The following ANKS1B variants were observed in gnomAD, a reference collection of about 807,000 sequenced individuals.
ANKS1B encodes ankyrin repeat and sterile alpha motif domain-containing protein 1B.
In ANKS1B, 36 loss-of-function variants were observed where a neutral mutation model predicts 148.3. The ratio of observed to expected loss-of-function variants is 0.24; its 90% CI spans 0.19 to 0.32. The LOEUF is 0.32. ANKS1B is among the 10% of genes least tolerant of loss of function. The pLI is 1.00. For missense variants in ANKS1B, 1,157 were observed against 1,542.6 expected (o/e 0.75, Z 4.19); for synonymous variants, 542 against 560.8 (o/e 0.97, Z 0.47).
Position 99,399,670 on chromosome 12 carries a change from C to T in ANKS1B, c.1717G>A (p.Gly573Arg). ...CCCTCATTCTTGACTTCTGTGGTTCCCACAGAAGAGGTGGGTGGACTAGCA... is the reference window on the plus strand; with the variant it reads ...CCCTCATTCTTGACTTCTGTGGTTCTCACAGAAGAGGTGGGTGGACTAGCA... ...PPASPPTSSVGTTEVKNEGTN... is the reference protein window; with the variant it reads ...PPASPPTSSVRTTEVKNEGTN... Residue 573 changes from glycine to arginine, a missense_variant, in exon 12 of 27, where the codon GGA (glycine) becomes AGA (arginine). Coordinates refer to ENST00000683438, the MANE Select transcript of ANKS1B (RefSeq NM_001352186.2). 1 of 1,613,374 alleles carries T rather than the reference C, an allele frequency of 6.2e-7. No individual in the cohort carries two copies. The highest frequency in any genetic ancestry group is 2.2e-5 in the East Asian group (1 of 44,868).
At chr12:99,144,128 G>T (rs2072079131) in intron 15 of ANKS1B, among the ~76,000 whole-genome samples, 1 of 151,970 alleles carries the variant, frequency 6.6e-6, no homozygotes, top group South Asian at 2.1e-4. Context: ...TATTAAATTG[G>T]CTATATTTTT....
At chr12:99,361,441 T>C (rs1367520031) in intron 12 of ANKS1B, among the ~76,000 whole-genome samples, 2 of 152,102 alleles carry the variant, frequency 1.3e-5, no homozygotes, top group Non-Finnish European at 2.9e-5. Context: ...TGTTCCTTCC[T>C]TGATGCCTGG....
intron 26 of ANKS1B, among the ~76,000 whole-genome samples, chr12:98,747,976 A>C (rs971793163): frequency 1.4e-4 from 22 of 152,180 alleles, no homozygotes; most frequent in African/African-American, 4.8e-4. Context: ...GGATGAAGAG[A>C]GATTGGTTAA....
At chr12:99,669,454 T>C (rs80333267) in intron 8 of ANKS1B, among the ~76,000 whole-genome samples, 5,292 of 152,078 alleles carry the variant, frequency 0.035, 339 homozygotes, top group African/African-American at 0.12. Flanking sequence ...TTTAGGTGGG[T>C]CTACAGTAAC....
chr12:98,932,492 G>A (rs544410531), intron 17 of ANKS1B, among the ~76,000 whole-genome samples: 1 of 152,264 alleles, frequency 6.6e-6, no homozygotes, highest in African/African-American at 2.4e-5. Context: ...AAGACCAAAA[G>A]CTTATCTGTG....
chr12:98,904,302 T>C (rs1294075747), intron 17 of ANKS1B, among the ~76,000 whole-genome samples: 1 of 151,720 alleles, frequency 6.6e-6, no homozygotes, highest in Non-Finnish European at 1.5e-5. Flanking sequence ...CTCCAGAAAA[T>C]AGACAGGTGT....
chr12:99,044,814 C>T (rs2099961265), intron 17 of ANKS1B, among the ~76,000 whole-genome samples: 1 of 152,082 alleles, frequency 6.6e-6, no homozygotes, highest in Admixed American at 6.6e-5. Context: ...TCACAGGAAA[C>T]CCATGAAGCC....
intron 8 of ANKS1B, among the ~76,000 whole-genome samples, chr12:99,665,925 A>G (rs1380878284): frequency 6.6e-6 from 1 of 152,162 alleles, no homozygotes; most frequent in Non-Finnish European, 1.5e-5. Flanking sequence ...ATTTTCTTCC[A>G]TAAGTTTAAG....
intron 12 of ANKS1B, among the ~76,000 whole-genome samples, chr12:99,332,426 C>T (rs905400832): frequency 2.0e-5 from 3 of 152,022 alleles, no homozygotes; most frequent in African/African-American, 7.2e-5. Flanking sequence ...TGGCACTTTG[C>T]TACCAGTTAT....
intron 12 of ANKS1B, among the ~76,000 whole-genome samples, chr12:99,317,741 C>T (rs569910733): frequency 2.0e-5 from 3 of 152,146 alleles, no homozygotes; most frequent in Non-Finnish European, 2.9e-5. Context: ...CTGTCTTGTG[C>T]CAGTTTTCAA....
At chr12:99,761,767 A>G (rs1379703882) in intron 8 of ANKS1B, among the ~76,000 whole-genome samples, 1 of 152,062 alleles carries the variant, frequency 6.6e-6, no homozygotes, top group Non-Finnish European at 1.5e-5. Context: ...ATCTGTCTTC[A>G]CTAATGATAC....
intron 8 of ANKS1B, among the ~76,000 whole-genome samples, chr12:99,733,604 A>T (rs1193166592): frequency 6.6e-6 from 1 of 152,226 alleles, no homozygotes; most frequent in Non-Finnish European, 1.5e-5. Flanking sequence ...TTTCTAAAAT[A>T]CATGATGAAA....
At chr12:98,800,969 C>A (rs933709075) in intron 21 of ANKS1B, 28 bp downstream of exon 21, 1 of 1,605,364 alleles carries the variant, frequency 6.2e-7, no homozygotes, top group Non-Finnish European at 8.5e-7. Context: ...TCCACTTAGG[C>A]CCAAATACTG....
intron 8 of ANKS1B, among the ~76,000 whole-genome samples, chr12:99,657,014 T>C (rs969880441): frequency 1.3e-5 from 2 of 152,180 alleles, no homozygotes; most frequent in African/African-American, 4.8e-5. Flanking sequence ...CACTTGTCAG[T>C]AACTAAGAAG....
At chr12:99,543,499 A>G (rs978047127) in intron 9 of ANKS1B, among the ~76,000 whole-genome samples, 3 of 152,274 alleles carry the variant, frequency 2.0e-5, no homozygotes, top group East Asian at 1.9e-4. Context: ...TTGAAAACAA[A>G]TGTTCATACA....
At chr12:98,841,815 AC>A (rs1429545576) in intron 17 of ANKS1B, among the ~76,000 whole-genome samples, 6 of 150,078 alleles carry the variant, frequency 4.0e-5, no homozygotes, top group African/African-American at 1.5e-4. Context: ...CTTTGTCCCC[AC>A]CCCCACCACT....
intron 17 of ANKS1B, among the ~76,000 whole-genome samples, chr12:98,871,063 T>C (rs144446345): frequency 6.8e-4 from 104 of 152,330 alleles, no homozygotes; most frequent in African/African-American, 2.5e-3. Flanking sequence ...TTTTCTAAAT[T>C]TGCCTCAAAG....
At chr12:99,945,314 C>T in intron 1 of ANKS1B, among the ~76,000 whole-genome samples, 1 of 150,138 alleles carries the variant, frequency 6.7e-6, no homozygotes, top group Non-Finnish European at 1.5e-5. Context: ...GGTGCAAAGG[C>T]CCTGAAGTAG....
In ANKS1B at chr12:99,324,531, G is replaced by T. The variant is rs568613668; in HGVS notation, c.1756+75100C>A. 4.5e-4 allele frequency among the ~76,000 whole-genome samples: 69 copies of T among 152,106 alleles called. 2 individuals carry two copies. The South Asian group carries it at 0.014, about 30-fold the overall frequency. The stretch of plus-strand genomic sequence containing the variant: ...TTTTATTTCTACTTAGCTTAATAAG[G>T]TCCTTTCAAATAGAGTCTATATTAG... On this transcript the variant is annotated intron_variant, in intron 12 of 26. Coordinates refer to ENST00000683438, the MANE Select transcript of ANKS1B (RefSeq NM_001352186.2).
Sources: gnomAD v4.1 joint callset for allele counts (sites outside exome capture counted in the v4.1 genomes callset) on GRCh38, gnomAD v4.1.1 for gene constraint, MANE v1.5 for transcripts, NCBI Gene and HGNC (gene_info 2026-07-23, HGNC 2026-07-21) for gene names.